ANKRD18A: variants seen among roughly 807,000 people sequenced by gnomAD.
The protein encoded by ANKRD18A is ankyrin repeat domain-containing protein 18A.
A neutral mutation model predicts 110.6 loss-of-function variants in ANKRD18A; 72 were observed. The ratio of observed to expected loss-of-function variants is 0.65; its 90% CI spans 0.54 to 0.79. The LOEUF is 0.79. Ranked by LOEUF, ANKRD18A falls within the 30% of genes least tolerant of loss-of-function variation. The probability of loss-of-function intolerance (pLI) is 0.00; values close to 1 mark genes in which losing one functional copy is unlikely to be tolerated. For missense variants in ANKRD18A, 934 were observed against 1,163.3 expected (o/e 0.80, Z 2.87); for synonymous variants, 305 against 410.3 (o/e 0.74, Z 3.10).
chr9:38,599,939 T>C (rs1448403071), intron 8 of ANKRD18A, among the ~76,000 whole-genome samples: 1 of 152,232 alleles, frequency 6.6e-6, no homozygotes, highest in Non-Finnish European at 1.5e-5. Flanking sequence ...AAATTAACTT[T>C]ATTCTAAATT....
chr9:38,605,962 C>A (rs1825334386), intron 6 of ANKRD18A, among the ~76,000 whole-genome samples: 1 of 152,032 alleles, frequency 6.6e-6, no homozygotes, highest in Admixed American at 6.6e-5. Flanking sequence ...TAATAATTAT[C>A]CAGCACATAA....
chr9:38,592,959 C>A (rs901989811), intron 10 of ANKRD18A, among the ~76,000 whole-genome samples: 5 of 152,182 alleles, frequency 3.3e-5, no homozygotes. Flanking sequence ...GCAGTCATGG[C>A]TAAGAGATGT....
At chr9:38,613,276 G>A (rs902263342) in intron 3 of ANKRD18A, among the ~76,000 whole-genome samples, 7 of 151,622 alleles carry the variant, frequency 4.6e-5, no homozygotes, top group African/African-American at 1.7e-4. Context: ...TCTTAAGCCT[G>A]AGGTCCAGAC....
At chr9:38,568,723 C>T (rs566312078), downstream of ANKRD18A, 5 of 985,284 alleles carry the variant, frequency 5.1e-6, no homozygotes, top group African/African-American at 8.7e-5. Context: ...CTTGTCCTGT[C>T]TTGGGCCAAA....
intron 15 of ANKRD18A, among the ~76,000 whole-genome samples, chr9:38,574,778 G>C (rs916149720): frequency 4.6e-5 from 7 of 152,154 alleles, no homozygotes; most frequent in Non-Finnish European, 1.0e-4. Flanking sequence ...GGTGGAAAGA[G>C]TTAAGTTGGT....
chr9:38,586,013 G>A (rs1375290367), intron 12 of ANKRD18A, among the ~76,000 whole-genome samples, 170 bp downstream of exon 12: 3 of 152,172 alleles, frequency 2.0e-5, no homozygotes, highest in Admixed American at 6.5e-5. Context: ...GTTGGGGTCA[G>A]GAGGGAGAGC....
intron 10 of ANKRD18A, 37 bp from the exon 11 acceptor site, chr9:38,588,700 C>T (rs1824499482): frequency 4.4e-6 from 5 of 1,143,854 alleles, no homozygotes; most frequent in Non-Finnish European, 4.6e-6. Flanking sequence ...TTTGTAAAAT[C>T]TAGAGACCCT....
chr9:38,595,982 G>C lies in ANKRD18A; in HGVS notation c.1358C>G (p.Ser453Cys). 1 of 1,549,910 alleles carries C rather than the reference G, an allele frequency of 6.5e-7. No individual in the cohort carries two copies. Among genetic ancestry groups the C allele is most frequent in the Non-Finnish European group, 8.7e-7 (1 of 1,146,224 alleles). ...ELVLWRADDV[S>C]RHEKMGSNIS... The stretch of plus-strand genomic sequence containing the variant: ...ATTAGAACCCATTTTTTCATGTCTA[G>C]AAACATCATCTGCTCTCCATAAAAC... Residue 453 changes from serine (S) to cysteine (C), a missense_variant, in exon 9 of 16, where the codon TCT (serine) becomes TGT (cysteine). Around this residue, in one of 4 missense-constraint regions of ANKRD18A, gnomAD observed 630 missense variants for 797.5 expected, o/e 0.79. Coordinates refer to ENST00000399703, the MANE Select transcript of ANKRD18A (RefSeq NM_147195.4).
At chr9:38,572,936 C>G (rs7028118) in intron 15 of ANKRD18A, 4 of 384,616 alleles carry the variant, frequency 1.0e-5, no homozygotes, top group Non-Finnish European at 1.4e-5. Flanking sequence ...TGAAAGTTTT[C>G]GTTTTCACAT....
intron 14 of ANKRD18A, among the ~76,000 whole-genome samples, chr9:38,576,699 C>T (rs1823909037): frequency 6.6e-6 from 1 of 152,236 alleles, no homozygotes; most frequent in African/African-American, 2.4e-5. Flanking sequence ...AAATTAAACT[C>T]ACTAATATTC....
At chr9:38,594,191 C>T (rs1563964796) in intron 9 of ANKRD18A, among the ~76,000 whole-genome samples, 1 of 152,180 alleles carries the variant, frequency 6.6e-6, no homozygotes, top group Non-Finnish European at 1.5e-5. Context: ...CATATTCAGT[C>T]GCCTGTTGAA....
In ANKRD18A at chr9:38,577,148, A is replaced by G. The variant is rs1367564580; in HGVS notation, c.2646T>C (p.Thr882=). The G allele has an allele frequency of 6.5e-7, 1 of 1,549,564 alleles. No homozygotes were observed. Among genetic ancestry groups the G allele is most frequent in the Admixed American group, 2.0e-5 (1 of 50,896 alleles). ...DVECKFSKMK[T]AYEEVTTELE... is the part of the protein sequence containing the mutation. ...ATTCAGTTGTAACCTCTTCATAAGCAGTTTTCATTTTGGAGAATTTACATT... is the reference window on the plus strand; with the variant it reads ...ATTCAGTTGTAACCTCTTCATAAGCGGTTTTCATTTTGGAGAATTTACATT... The change falls in exon 14 of 16, where the codon ACT becomes ACC. Residue 882 remains threonine (T), a synonymous_variant. Transcript: ENST00000399703.
chr9:38,575,545 G>A lies in ANKRD18A; in HGVS notation c.2895C>T (p.Pro965=). 6.4e-7 allele frequency: 1 copy of A among 1,551,452 alleles called. No individual in the cohort carries two copies. Among genetic ancestry groups the A allele is most frequent in the Non-Finnish European group, 8.7e-7 (1 of 1,146,794 alleles). The change falls in exon 15 of 16, where the codon CCC becomes CCT. Residue 965 remains proline (P), a synonymous_variant. Coordinates refer to ENST00000399703, the MANE Select transcript of ANKRD18A (RefSeq NM_147195.4). ...NSIELNRKYI[P]KTAIRIPTSN... ...AAGTAGGAATTCTTATGGCCGTTTT[G>A]GGAATATATTTTCTGTTGAGTTCTA... is the stretch of plus-strand genomic sequence containing the variant.
chr9:38,569,521 G>C (rs1226204828), downstream of ANKRD18A: 3 of 905,230 alleles, frequency 3.3e-6, no homozygotes, highest in Admixed American at 1.2e-4. Context: ...AGAGGCGATG[G>C]GGACTCAGCA....
chr9:38,583,376 A>C (rs959881881), intron 12 of ANKRD18A, among the ~76,000 whole-genome samples: 1 of 152,190 alleles, frequency 6.6e-6, no homozygotes, highest in African/African-American at 2.4e-5. Context: ...AAATGTTTAC[A>C]GCAGCATTAT....
At chr9:38,581,227 A>C (rs1035902159) in intron 12 of ANKRD18A, among the ~76,000 whole-genome samples, 1 of 152,258 alleles carries the variant, frequency 6.6e-6, no homozygotes, top group African/African-American at 2.4e-5. Context: ...AGTAGGATCT[A>C]ATAAATGTTG....
chr9:38,596,303 T>A lies in ANKRD18A; in HGVS notation c.1037A>T (p.Asn346Ile), dbSNP rs958869283. Residue 346 changes from asparagine to isoleucine, a missense_variant, in exon 9 of 16, where the codon AAT (asparagine) becomes ATT (isoleucine). By Grantham distance (149) the Asn-to-Ile change is moderately radical (BLOSUM62 -3). This residue lies in a region of ANKRD18A where 630 missense variants were observed against 797.5 expected (regional missense o/e 0.79). Transcript: ENST00000399703. ...TTTCTTTTCCTTTCTGAGACTGTCATTTTTTATTGCATATAATTCCTCTTT... is the reference window on the plus strand; with the variant it reads ...TTTCTTTTCCTTTCTGAGACTGTCAATTTTTATTGCATATAATTCCTCTTT... ...MLKEELYAIKNDSLRKEKKYI... is the reference protein window; with the variant it reads ...MLKEELYAIKIDSLRKEKKYI... The A allele has an allele frequency of 3.7e-5, 57 of 1,534,990 alleles. No individual in the cohort carries two copies. The highest frequency in any genetic ancestry group is 4.5e-5 in the Non-Finnish European group (51 of 1,142,472).
chr9:38,588,145 T>A (rs1017451603), intron 11 of ANKRD18A, among the ~76,000 whole-genome samples: 9 of 152,064 alleles, frequency 5.9e-5, no homozygotes, highest in Non-Finnish European at 1.3e-4. Flanking sequence ...TTCAAAAAAA[T>A]TTCAGATTGT....
chr9:38,619,380 A>T (rs1354516407), intron 1 of ANKRD18A, among the ~76,000 whole-genome samples: 1 of 152,102 alleles, frequency 6.6e-6, no homozygotes, highest in Non-Finnish European at 1.5e-5. Context: ...TCTTACATAT[A>T]TTTCAGTGTT....
Sources: gnomAD v4.1 joint callset for allele counts (sites outside exome capture counted in the v4.1 genomes callset) on GRCh38, gnomAD v4.1.1 for gene constraint, gnomAD v4.1.1 regional missense constraint, MANE v1.5 for transcripts, NCBI Gene and HGNC (gene_info 2026-07-23, HGNC 2026-07-21) for gene names.